The following TMEM132D variants were observed in gnomAD, a reference collection of about 807,000 sequenced individuals.
TMEM132D encodes the protein mature OL transmembrane protein.
A neutral mutation model predicts 62.3 loss-of-function variants in TMEM132D; 21 were observed. The observed-to-expected ratio is 0.34, with a 90% CI of 0.24 to 0.49. The LOEUF (loss-of-function observed/expected upper bound fraction) is 0.49, where lower values mean the gene tolerates loss of function less well. Ranked by LOEUF, TMEM132D falls within the 20% of genes least tolerant of loss-of-function variation. TMEM132D has a pLI of 0.99. For synonymous variants in TMEM132D, 621 were observed against 575.6 expected (o/e 1.08, Z -1.13); for missense variants, 1,346 against 1,402.8 (o/e 0.96, Z 0.65).
intron 3 of TMEM132D, among the ~76,000 whole-genome samples, chr12:129,467,920 CT>C (rs1873963879): frequency 6.6e-6 from 1 of 152,108 alleles, no homozygotes; most frequent in Non-Finnish European, 1.5e-5. Context: ...AATCAAGCAG[CT>C]GTGTGTAAAA....
At chr12:129,119,746 G>C (rs1164471671) in intron 5 of TMEM132D, among the ~76,000 whole-genome samples, 2 of 152,190 alleles carry the variant, frequency 1.3e-5, no homozygotes, top group Admixed American at 1.3e-4. Flanking sequence ...TGGTTCTGGA[G>C]ATACAGCCAT....
At chr12:129,099,927 G>A (rs1418817113) in intron 5 of TMEM132D, among the ~76,000 whole-genome samples, 3 of 123,474 alleles carry the variant, frequency 2.4e-5, no homozygotes, top group Admixed American at 1.4e-4. Flanking sequence ...CCGGGTTCAC[G>A]CCATTCTCCT....
rs75454426 is a variant in TMEM132D at position 129,595,776 on chromosome 12, C to A, written c.969-64571G>T. Among the ~76,000 whole-genome samples, 738 of 152,306 alleles carry A rather than the reference C, an allele frequency of 4.8e-3. 15 individuals carry two copies. The highest frequency in any genetic ancestry group is 0.043 in the East Asian group (225 of 5,182). On this transcript the variant is annotated intron_variant, in intron 2 of 8. Coordinates refer to ENST00000422113, the MANE Select transcript of TMEM132D (RefSeq NM_133448.3). ...GAGCTGACCGACTGCAGATATGGGA[C>A]GGAGCCCAGGCAGGGCCAGAAGAGC...
intron 2 of TMEM132D, among the ~76,000 whole-genome samples, chr12:129,633,898 G>C (rs1320987300): frequency 2.0e-5 from 3 of 152,122 alleles, no homozygotes; most frequent in Non-Finnish European, 2.9e-5. Flanking sequence ...AGTTAAGCCA[G>C]TAACTTCTGA....
intron 3 of TMEM132D, among the ~76,000 whole-genome samples, chr12:129,421,429 C>G (rs1181425616): frequency 1.3e-5 from 2 of 152,230 alleles, no homozygotes; most frequent in African/African-American, 4.8e-5. Flanking sequence ...AGAGACATGT[C>G]TGGATACATT....
chr12:129,337,249 A>G (rs1026905204), intron 4 of TMEM132D, among the ~76,000 whole-genome samples: 3 of 152,068 alleles, frequency 2.0e-5, no homozygotes, highest in Non-Finnish European at 2.9e-5. Flanking sequence ...TGCTTGATCT[A>G]CATGGACTCC....
At chr12:129,236,514 C>CAAAAAAAAAAAAAAAAAAAAAAAAA (rs60745384) in intron 4 of TMEM132D, among the ~76,000 whole-genome samples, 1 of 67,088 alleles carries the variant, frequency 1.5e-5, no homozygotes, top group African/African-American at 5.5e-5. Context: ...GACTCCATCT[C>CAAAAAAAAAAAAAAAAAAAAAAAAA]AAAAAAAAAA....
At chr12:129,633,448 A>G (rs155725) in intron 2 of TMEM132D, among the ~76,000 whole-genome samples, 151,619 of 152,308 alleles carry the variant, frequency 1, 75,470 homozygotes, top group Middle Eastern at 1. Flanking sequence ...GAATAGGCAC[A>G]TAAGTAGAAC....
intron 8 of TMEM132D, among the ~76,000 whole-genome samples, chr12:129,077,731 C>T (rs1305953029): frequency 6.6e-6 from 1 of 152,024 alleles, no homozygotes; most frequent in Non-Finnish European, 1.5e-5. Context: ...CAAATAGACA[C>T]ATGCAATGCA....
chr12:129,861,160 A>G (rs1467277381), intron 1 of TMEM132D, among the ~76,000 whole-genome samples: 1 of 152,214 alleles, frequency 6.6e-6, no homozygotes, highest in Non-Finnish European at 1.5e-5. Context: ...GAAATGAAAA[A>G]TGCTCTGCCT....
intron 5 of TMEM132D, among the ~76,000 whole-genome samples, chr12:129,201,869 A>G (rs1878713411): frequency 6.6e-6 from 1 of 152,194 alleles, no homozygotes; most frequent in South Asian, 2.1e-4. Context: ...AGCTAGCGCC[A>G]GGCTGGACTT....
intron 4 of TMEM132D, among the ~76,000 whole-genome samples, chr12:129,326,586 CG>C (rs1376697007): frequency 2.0e-5 from 3 of 152,296 alleles, no homozygotes; most frequent in Middle Eastern, 6.8e-3. Context: ...GGCTGCCTTC[CG>C]GCCCCACATG....
At chr12:129,478,306 G>A (rs1874330373) in intron 3 of TMEM132D, among the ~76,000 whole-genome samples, 1 of 152,118 alleles carries the variant, frequency 6.6e-6, no homozygotes, top group Admixed American at 6.5e-5. Flanking sequence ...CTACACTTAG[G>A]CTACATTACA....
intron 2 of TMEM132D, among the ~76,000 whole-genome samples, chr12:129,557,438 G>A (rs992715510): frequency 1.3e-5 from 2 of 152,168 alleles, no homozygotes; most frequent in African/African-American, 4.8e-5. Flanking sequence ...GTTATGGCCG[G>A]GTGCCATGGC....
chr12:129,836,571 T>C (rs1873012899), intron 1 of TMEM132D, among the ~76,000 whole-genome samples: 1 of 152,166 alleles, frequency 6.6e-6, no homozygotes, highest in South Asian at 2.1e-4. Flanking sequence ...TACCCAAGTA[T>C]ATGCTACATT....
chr12:129,289,545 A>G (rs906856226), intron 4 of TMEM132D, among the ~76,000 whole-genome samples: 2 of 130,250 alleles, frequency 1.5e-5, no homozygotes, highest in Non-Finnish European at 3.2e-5. Context: ...ATTCCATCTC[A>G]ATAAAAAAAA....
intron 3 of TMEM132D, among the ~76,000 whole-genome samples, chr12:129,411,547 G>T (rs1871967770): frequency 6.6e-6 from 1 of 152,008 alleles, no homozygotes. Flanking sequence ...TAGAGACGGG[G>T]TCTTGCTATG....
At chr12:129,692,110 C>G (rs921251841) in intron 2 of TMEM132D, among the ~76,000 whole-genome samples, 1 of 152,012 alleles carries the variant, frequency 6.6e-6, no homozygotes, top group East Asian at 1.9e-4. Flanking sequence ...TTACCAAAAC[C>G]ATATGAAGAC....
chr12:129,370,478 G>A (rs1870558537), intron 3 of TMEM132D, among the ~76,000 whole-genome samples: 1 of 152,198 alleles, frequency 6.6e-6, no homozygotes, highest in Non-Finnish European at 1.5e-5. Flanking sequence ...CTTGCACACA[G>A]AACAACTTGT....
Sources: allele counts gnomAD v4.1 joint callset (sites outside exome capture counted in the v4.1 genomes callset), GRCh38; gene constraint gnomAD v4.1.1; transcripts MANE v1.5; gene names NCBI Gene and HGNC (gene_info 2026-07-23, HGNC 2026-07-21).